KIF21A: variants seen among roughly 807,000 people sequenced by gnomAD.
The protein encoded by KIF21A is kinesin family member 21A.
KIF21A carries 114 observed loss-of-function variants against 202.9 expected under a neutral mutation model. The observed-to-expected ratio is 0.56, with a 90% CI of 0.48 to 0.66. KIF21A has a LOEUF of 0.66. KIF21A is among the 30% of genes least tolerant of loss of function. The pLI is 0.00. For synonymous variants in KIF21A, 667 were observed against 670.8 expected, an observed-to-expected ratio of 0.99 and a Z score of 0.09; for missense variants, 1,677 against 1,994.9, an observed-to-expected ratio of 0.84 and a Z score of 3.04.
Position 39,347,806 on chromosome 12 carries a change from A to C in KIF21A, c.1674-1302T>G, listed in dbSNP as rs560367324. Among the ~76,000 whole-genome samples the C allele has an allele frequency of 2.0e-5, 3 of 152,202 alleles. No homozygotes were observed. In the South Asian group the frequency reaches 6.2e-4, roughly 32 times the overall value. On this transcript the variant is annotated intron_variant, in intron 11 of 37. Transcript: ENST00000361418. ...AACCCAACACCACTAAATACAAATC[A>C]GTGCAGTCTGATCGATGAGTGAAGT...
At chr12:39,422,309 A>T (rs938387544) in intron 1 of KIF21A, among the ~76,000 whole-genome samples, 1 of 152,128 alleles carries the variant, frequency 6.6e-6, no homozygotes, top group Non-Finnish European at 1.5e-5. Flanking sequence ...CCTTGCAAGT[A>T]GTCTTGTGAA....
intron 1 of KIF21A, among the ~76,000 whole-genome samples, chr12:39,390,872 T>C (rs1428904748): frequency 6.6e-6 from 1 of 152,126 alleles, no homozygotes; most frequent in Non-Finnish European, 1.5e-5. Context: ...AGTTGACATG[T>C]GACAAAAGTA....
Position 39,304,730 on chromosome 12 carries a change from A to G in KIF21A, c.4560+91T>C, listed in dbSNP as rs1943288751. On this transcript the variant is annotated intron_variant, in intron 35 of 37. Transcript: ENST00000361418. ...AAGCAAAGACTAGAAAGGAAAAAAG[A>G]AAATAAGAGAAAGAGGTCCTAGATG... 5 of 738,810 alleles carry G rather than the reference A, an allele frequency of 6.8e-6. No individual in the cohort carries two copies. In the South Asian group the frequency reaches 7.8e-5, roughly 12 times the overall value. The allele number at this position is 738,810 out of a possible 1,614,324, so 45.8% of individuals were successfully genotyped here. A position where few individuals can be genotyped will look rare whatever the true frequency, so the allele number is the denominator to read the frequency against.
Position 39,332,622 on chromosome 12 carries a change from T to C in KIF21A, c.2825A>G (p.Asn942Ser), listed in dbSNP as rs1946608931. The part of the protein sequence containing the change: ...DIIMQKMTIS[N>S]MEADMNRLLK... ...GAGTCTATTCATATCTGCCTCCATG[T>C]TGGAAATGGTCATCTTCTGCATGAT... Residue 942 changes from asparagine to serine, a missense_variant, in exon 20 of 38, where the codon AAC becomes AGC. By Grantham distance (46) the Asn-to-Ser change is conservative. Coordinates refer to ENST00000361418, the MANE Select transcript of KIF21A (RefSeq NM_001173464.2). The C allele has an allele frequency of 6.2e-7, 1 of 1,613,948 alleles. No individual in the cohort carries two copies. The highest frequency in any genetic ancestry group is 8.5e-7 in the Non-Finnish European group (1 of 1,179,972).
chr12:39,360,936 G>T (rs1949160286), intron 7 of KIF21A, among the ~76,000 whole-genome samples: 1 of 152,094 alleles, frequency 6.6e-6, no homozygotes, highest in South Asian at 2.1e-4. Context: ...GCTCTCCAAG[G>T]CTTACACAAA....
At position 39,334,484 on chromosome 12, in the gene KIF21A, T is replaced by C. The variant is rs191193672; in HGVS notation, c.2419-1204A>G. 2.5e-3 allele frequency among the ~76,000 whole-genome samples: 386 copies of C among 152,312 alleles called. 1 individual carries two copies. Among genetic ancestry groups the C allele is most frequent in the South Asian group, 0.012 (57 of 4,834 alleles). ...ATTCCTTGAGAAAATGACTTTATCTTATCACAGCCATATCTTAATTGCCTA... is the reference window on the plus strand; with the variant it reads ...ATTCCTTGAGAAAATGACTTTATCTCATCACAGCCATATCTTAATTGCCTA... On this transcript the variant is annotated intron_variant, in intron 17 of 37. Coordinates refer to ENST00000361418, the MANE Select transcript of KIF21A (RefSeq NM_001173464.2).
intron 26 of KIF21A, among the ~76,000 whole-genome samples, 191 bp downstream of exon 26, chr12:39,325,648 T>A (rs1945821203): frequency 6.6e-6 from 1 of 151,714 alleles, no homozygotes; most frequent in South Asian, 2.1e-4. Flanking sequence ...GCCAGAGAAA[T>A]TTTTTAATAT....
At chr12:39,355,461 C>A (rs10876886) in intron 10 of KIF21A, among the ~76,000 whole-genome samples, 50,714 of 151,406 alleles carry the variant, frequency 0.33, 10,630 homozygotes, top group African/African-American at 0.59. Flanking sequence ...AGAAAAGAGA[C>A]GCAGCCTAAG....
chr12:39,305,522 TTA>T (rs1282147444), intron 34 of KIF21A, among the ~76,000 whole-genome samples: 1 of 152,126 alleles, frequency 6.6e-6, no homozygotes, highest in Non-Finnish European at 1.5e-5. Context: ...TAGCTGGGAC[TTA>T]TAGGTGTGCA....
intron 28 of KIF21A, among the ~76,000 whole-genome samples, chr12:39,319,702 C>A (rs1188357000): frequency 6.6e-6 from 1 of 152,022 alleles, no homozygotes; most frequent in East Asian, 1.9e-4. Context: ...GACAAGTGCT[C>A]AAATATCTTT....
At chr12:39,305,595 T>C (rs1254021833) in intron 34 of KIF21A, among the ~76,000 whole-genome samples, 1 of 152,092 alleles carries the variant, frequency 6.6e-6, no homozygotes, top group Non-Finnish European at 1.5e-5. Flanking sequence ...TAGTCAAAAC[T>C]AATATAATCT....
chr12:39,385,946 C>T lies in KIF21A; in HGVS notation c.45-15685G>A, dbSNP rs562551571. 5.9e-5 allele frequency among the ~76,000 whole-genome samples: 9 copies of T among 152,266 alleles called. No individual in the cohort carries two copies. The South Asian group carries it at 1.7e-3, about 28-fold the overall frequency. ...AGATATTGATGCCTAGGTTACTGTA[C>T]TTTACAATTATCCCACCCAATAATT... On this transcript the variant is annotated intron_variant, in intron 1 of 37. Transcript: ENST00000361418.
At chr12:39,329,806 C>T (rs957108083) in intron 24 of KIF21A, among the ~76,000 whole-genome samples, 1 of 150,976 alleles carries the variant, frequency 6.6e-6, no homozygotes, top group Non-Finnish European at 1.5e-5. Context: ...CTTAAATTTA[C>T]AAAAATAAAA....
intron 11 of KIF21A, among the ~76,000 whole-genome samples, chr12:39,348,834 T>C (rs1592271073): frequency 6.6e-6 from 1 of 151,974 alleles, no homozygotes; most frequent in African/African-American, 2.4e-5. Context: ...CTACTCTTTT[T>C]TTCATTAGAT....
intron 7 of KIF21A, among the ~76,000 whole-genome samples, chr12:39,358,780 G>A (rs1486687171): frequency 6.6e-6 from 1 of 152,078 alleles, no homozygotes; most frequent in African/African-American, 2.4e-5. Context: ...TTTGATGCCA[G>A]CAAAGAATTG....
rs2138386942 is a variant in KIF21A, at chr12:39,341,077, A to C, written c.1939T>G (p.Leu647Val). 6.2e-7 allele frequency: 1 copy of C among 1,606,776 alleles called. No individual in the cohort carries two copies. The highest frequency in any genetic ancestry group is 1.1e-5 in the South Asian group (1 of 90,340). The stretch of plus-strand genomic sequence containing the variant: ...GCAATTTCACAAGTAATGTTTGCCA[A>C]GTCTGCTTGATAATTGGCTATTTAT... ...SDEKANYQAD[L>V]ANITCEIAIK... The change falls in exon 15 of 38, where the codon TTG becomes GTG. Residue 647 changes from leucine (L) to valine (V), a missense_variant. Leu to Val is a conservative substitution (Grantham distance 32). Transcript: ENST00000361418.
rs1944784548 is a variant in KIF21A, at chr12:39,318,190, C to T, written c.3791G>A (p.Gly1264Glu). 1 of 1,612,992 alleles carries T rather than the reference C, an allele frequency of 6.2e-7. No individual in the cohort carries two copies. The highest frequency in any genetic ancestry group is 1.3e-5 in the African/African-American group (1 of 74,804). The change falls in exon 29 of 38, where the codon GGA becomes GAA. Residue 1264 changes from glycine to glutamate, a missense_variant. Physicochemically the swap from Gly to Glu is moderately conservative, Grantham distance 98. Transcript: ENST00000361418. ...AGGTGAAAGACTAGCCTCTGAAGTT[C>T]CAGAATCTGAGCTACAAGAAAAAAA... ...KAKEQKHSDS[G>E]TSEASLSPPS...
At position 39,315,217 on chromosome 12, in the gene KIF21A, T is replaced by C. The variant is rs764668714; in HGVS notation, c.3959+12A>G. 1 of 1,611,362 alleles carries C rather than the reference T, an allele frequency of 6.2e-7. No homozygotes were observed. ...GAAATGAAATTAATTTCCTCTCCCT[T>C]CCCCTGCCTACCTTCTGGAGGATCT... On this transcript the variant is annotated intron_variant, in intron 31 of 37. Transcript: ENST00000361418.
At chr12:39,405,675 C>T (rs1476575901) in intron 1 of KIF21A, among the ~76,000 whole-genome samples, 1 of 152,046 alleles carries the variant, frequency 6.6e-6, no homozygotes, top group Non-Finnish European at 1.5e-5. Context: ...CTTGCAGCTG[C>T]TTTTAAAAAG....
Sources: allele counts gnomAD v4.1 joint callset (sites outside exome capture counted in the v4.1 genomes callset), GRCh38; gene constraint gnomAD v4.1.1; transcripts MANE v1.5; gene names NCBI Gene and HGNC (gene_info 2026-07-23, HGNC 2026-07-21).